Variants in APOB observed in about 807,000 individuals in gnomAD.
APOB encodes the protein apolipoprotein B-100.
In APOB, 153 loss-of-function variants were observed where a neutral mutation model predicts 314.1. The observed-to-expected ratio is 0.49, with a 90% CI of 0.43 to 0.56. APOB has a LOEUF of 0.56. Ranked by LOEUF, APOB falls within the 20% of genes least tolerant of loss-of-function variation. The pLI, the probability that APOB is intolerant of heterozygous loss-of-function variation, is 0.00. For synonymous variants in APOB, 2,087 were observed against 2,036.4 expected (o/e 1.02, Z -0.67); for missense variants, 5,430 against 5,350.7 (o/e 1.01, Z -0.46).
In APOB at chr2:21,005,956, G is replaced by A. The variant is rs61744151; in HGVS notation, c.10912C>T (p.Arg3638Trp). ...NQKIRWKNEV[R>W]IHSGSFQSQV... is the part of the protein sequence containing the mutation. ...CTCTGGAAAGACCCAGAATGAATCC[G>A]GACTTCATTTTTCCATCTGATCTTC... The change falls in exon 26 of 29, where the codon CGG (arginine) becomes TGG (tryptophan). Residue 3638 changes from arginine to tryptophan, a missense_variant. This residue lies in a region of APOB where 3,281 missense variants were observed against 3,171.0 expected (regional missense o/e 1.03). Transcript: ENST00000233242. The A allele has an allele frequency of 2.0e-5, 33 of 1,613,838 alleles. 1 individual carries two copies. The Admixed American group carries it at 3.7e-4, about 18-fold the overall frequency.
Position 21,009,816 on chromosome 2 carries a change from T to C in APOB, c.7052A>G (p.Asp2351Gly). 6.2e-7 allele frequency: 1 copy of C among 1,614,084 alleles called. No individual in the cohort carries two copies. The highest frequency in any genetic ancestry group is 8.5e-7 in the Non-Finnish European group (1 of 1,179,982). ...ATCCATTAAAACCTGGATTTGTTGG[T>C]CTACTTCATACCTCTCGATTAACTC... Reference protein sequence around the residue: ...VHELIERYEVDQQIQVLMDKL... With the variant: ...VHELIERYEVGQQIQVLMDKL... The change falls in exon 26 of 29, where the codon GAC (aspartate) becomes GGC (glycine). Residue 2351 changes from aspartate (D) to glycine (G), a missense_variant. Coordinates refer to ENST00000233242, the MANE Select transcript of APOB (RefSeq NM_000384.3).
intron 9 of APOB, 46 bp from the exon 10 acceptor site, chr2:21,032,627 C>A: frequency 1.4e-6 from 2 of 1,459,176 alleles, no homozygotes; most frequent in Non-Finnish European, 1.9e-6. Flanking sequence ...ACCTTCAGGG[C>A]ACATAAAATA....
intron 10 of APOB, among the ~76,000 whole-genome samples, chr2:21,032,151 T>C (rs1663896815): frequency 6.6e-6 from 1 of 152,286 alleles, no homozygotes; most frequent in South Asian, 2.1e-4. Context: ...TAATATAATG[T>C]AGAGAAAATA....
In APOB at chr2:21,044,070, G is replaced by T; in HGVS notation, c.-125C>A. ...CACTCAGCCCCGCAGGTCCCGGTGG[G>T]AATGCGCGGCCGGCGCCCGCACCCC... On this transcript the variant is annotated 5_prime_UTR_variant, in exon 1 of 29. Coordinates refer to ENST00000233242, the MANE Select transcript of APOB (RefSeq NM_000384.3). The T allele has an allele frequency of 2.5e-6, 1 of 394,268 alleles. No homozygotes were observed. Among genetic ancestry groups the T allele is most frequent in the Non-Finnish European group, 4.2e-6 (1 of 239,682 alleles). The allele number at this position is 394,268 out of a possible 1,614,324, so 24.4% of individuals were successfully genotyped here.
chr2:21,008,513 G>C lies in APOB; in HGVS notation c.8355C>G (p.Asn2785Lys). Residue 2785 changes from asparagine to lysine, a missense_variant, in exon 26 of 29, where the codon AAC (asparagine) becomes AAG (lysine). Physicochemically the swap from Asn to Lys is moderately conservative, Grantham distance 94. Around this residue, in one of 3 missense-constraint regions of APOB, gnomAD observed 3,281 missense variants for 3,171.0 expected, o/e 1.03. Transcript: ENST00000233242. The stretch of plus-strand genomic sequence containing the variant: ...TGATGGAAGCTGCGATACCTGCTTC[G>C]TTTGCTGAGGTGGTTCCATTCCCTA... The part of the protein sequence containing the change: ...ADIGNGTTSA[N>K]EAGIAASITA... The C allele has an allele frequency of 1.9e-6, 3 of 1,614,024 alleles. No individual in the cohort carries two copies. Among genetic ancestry groups the C allele is most frequent in the Non-Finnish European group, 2.5e-6 (3 of 1,179,958 alleles).
Position 21,029,632 on chromosome 2 carries a change from A to T in APOB, c.1617+7T>A. ...TTCACTTTCAGACCTCTTCTTGTGGACTTTACCTTGTCTTTAGGCTCCATT... is the reference window on the plus strand; with the variant it reads ...TTCACTTTCAGACCTCTTCTTGTGGTCTTTACCTTGTCTTTAGGCTCCATT... On this transcript the variant is annotated splice_region_variant and intron_variant, in intron 12 of 28. Transcript: ENST00000233242. 1 of 1,614,096 alleles carries T rather than the reference A, an allele frequency of 6.2e-7. No individual in the cohort carries two copies. Among genetic ancestry groups the T allele is most frequent in the Non-Finnish European group, 8.5e-7 (1 of 1,180,006 alleles).
intron 14 of APOB, among the ~76,000 whole-genome samples, chr2:21,027,306 A>G (rs933607586): frequency 1.9e-5 from 2 of 105,884 alleles, no homozygotes; most frequent in East Asian, 3.1e-4. Flanking sequence ...TTGCATTTCA[A>G]TTTTTTTTTT....
In APOB at chr2:21,005,843, G is replaced by T; in HGVS notation, c.11025C>A (p.Ile3675=). 6.2e-7 allele frequency: 1 copy of T among 1,614,044 alleles called. No individual in the cohort carries two copies. The highest frequency in any genetic ancestry group is 8.5e-7 in the Non-Finnish European group (1 of 1,179,960). ...LEGHLRFLKN[I]ILPVYDKSLW... ...AGCTCTTGTCATAGACTGGTAGGAT[G>T]ATATTTTTGAGGAACCTTAGGTGTC... Residue 3675 remains isoleucine (I), a synonymous_variant, in exon 26 of 29, where the codon ATC becomes ATA. Coordinates refer to ENST00000233242, the MANE Select transcript of APOB (RefSeq NM_000384.3).
chr2:21,021,728 C>A (rs1190378117), intron 18 of APOB, among the ~76,000 whole-genome samples: 3 of 152,196 alleles, frequency 2.0e-5, no homozygotes, highest in Non-Finnish European at 2.9e-5. Flanking sequence ...TGACACAGTC[C>A]TCAGTTATCA....
In APOB at chr2:21,010,112, C is replaced by T; in HGVS notation, c.6756G>A (p.Val2252=). The T allele has an allele frequency of 6.2e-7, 1 of 1,612,480 alleles. No individual in the cohort carries two copies. Among genetic ancestry groups the T allele is most frequent in the East Asian group, 2.2e-5 (1 of 44,812 alleles). Residue 2252 remains valine, a synonymous_variant, in exon 26 of 29, where the codon GTG becomes GTA. Transcript: ENST00000233242. ...GGATTCTGATTTGGTACTTAGTATC[C>T]ACATTTTGAATCCAGGATGCAGTAC... The part of the protein sequence containing the change: ...GSSTASWIQN[V]DTKYQIRIQI...
At chr2:21,043,690 A>C (rs1320424559) in intron 1 of APOB, 139 bp from the exon 2 acceptor site, 3 of 1,497,656 alleles carry the variant, frequency 2.0e-6, no homozygotes, top group Non-Finnish European at 2.7e-6. Flanking sequence ...CAGCCCCTCC[A>C]TCCCGCGCCC....
chr2:21,012,636 G>A lies in APOB; in HGVS notation c.4232C>T (p.Thr1411Ile). 2 of 1,612,320 alleles carry A rather than the reference G, an allele frequency of 1.2e-6. No homozygotes were observed. The highest frequency in any genetic ancestry group is 8.5e-7 in the Non-Finnish European group (1 of 1,179,538). The change falls in exon 26 of 29, where the codon ACA (threonine) becomes ATA (isoleucine). Residue 1411 changes from threonine to isoleucine, a missense_variant. Physicochemically the swap from Thr to Ile is moderately conservative, Grantham distance 89. Around this residue, in one of 3 missense-constraint regions of APOB, gnomAD observed 2,085 missense variants for 2,079.7 expected, o/e 1.00. Transcript: ENST00000233242. ...SYNVQGSGET[T>I]YDHKNTFTLS... Reference sequence around the variant, plus strand: ...TGTGAACGTATTCTTGTGGTCATATGTTGTTTCTCCAGATCCTAACATAAA... The same window carrying A: ...TGTGAACGTATTCTTGTGGTCATATATTGTTTCTCCAGATCCTAACATAAA...
chr2:21,037,203 C>T lies in APOB; in HGVS notation c.590G>A (p.Gly197Asp), dbSNP rs1664023541. ...AGTGGATATTTCTGTTGCCACATTG[C>T]CCTTCCTCGTCTTGACGGTAAAGTG... ...STHFTVKTRKGNVATEISTER... is the reference protein window; with the variant it reads ...STHFTVKTRKDNVATEISTER... The change falls in exon 6 of 29, where the codon GGC becomes GAC. Residue 197 changes from glycine to aspartate, a missense_variant. By Grantham distance (94) the Gly-to-Asp change is moderately conservative. This residue lies in a region of APOB where 2,085 missense variants were observed against 2,079.7 expected (regional missense o/e 1.00). Transcript: ENST00000233242. The T allele has an allele frequency of 2.5e-6, 4 of 1,614,176 alleles. No individual in the cohort carries two copies. The East Asian group carries it at 8.9e-5, about 36-fold the overall frequency.
At chr2:21,016,866 CCCAGCTA>C in intron 20 of APOB, among the ~76,000 whole-genome samples, 1 of 151,990 alleles carries the variant, frequency 6.6e-6, no homozygotes, top group East Asian at 1.9e-4. Context: ...TGCCTGTAGT[CCCAGCTA>C]CTCAGGAGGC....
chr2:21,036,659 G>C (rs994604845), intron 6 of APOB, among the ~76,000 whole-genome samples: 14 of 152,188 alleles, frequency 9.2e-5, no homozygotes, highest in African/African-American at 3.1e-4. Flanking sequence ...CATGGGATGA[G>C]GGAGAGGGGG....
chr2:21,008,608 T>C lies in APOB; in HGVS notation c.8260A>G (p.Thr2754Ala), dbSNP rs1036884752. The change falls in exon 26 of 29, where the codon ACT becomes GCT. Residue 2754 changes from threonine (T) to alanine (A), a missense_variant. Thr to Ala is a moderately conservative substitution (Grantham distance 58). Coordinates refer to ENST00000233242, the MANE Select transcript of APOB (RefSeq NM_000384.3). ...AGAATACTGTATAGCTTGCCAAAAGTAGGTACTTCAATTGTGTGTGAGATG... is the reference window on the plus strand; with the variant it reads ...AGAATACTGTATAGCTTGCCAAAAGCAGGTACTTCAATTGTGTGTGAGATG... ...PHISHTIEVP[T>A]FGKLYSILKI... The C allele has an allele frequency of 5.0e-6, 8 of 1,613,960 alleles. No individual in the cohort carries two copies. The African/African-American group carries it at 9.3e-5, about 19-fold the overall frequency.
intron 27 of APOB, 40 bp downstream of exon 27, chr2:21,004,521 T>C (rs770727556): frequency 6.2e-7 from 1 of 1,612,754 alleles, no homozygotes; most frequent in South Asian, 1.1e-5. Flanking sequence ...CAATGAGTTT[T>C]CAAAAGGTAT....
In APOB at chr2:21,002,041, T is replaced by C. The variant is rs1306536670; in HGVS notation, c.13381A>G (p.Lys4461Glu). ...AGCTCTGCAATCTTCTCTTTCCCTT[T>C]TCCATCTGGATCGGTAAGGATGCTA... ...YLSILTDPDG[K>E]GKEKIAELSA... The change falls in exon 29 of 29, where the codon AAA becomes GAA. Residue 4461 changes from lysine (K) to glutamate (E), a missense_variant. This residue lies in a region of APOB where 3,281 missense variants were observed against 3,171.0 expected (regional missense o/e 1.03). Transcript: ENST00000233242. 8 of 1,613,914 alleles carry C rather than the reference T, an allele frequency of 5.0e-6. No homozygotes were observed. Among genetic ancestry groups the C allele is most frequent in the African/African-American group, 1.3e-5 (1 of 74,920 alleles).
chr2:21,025,040 G>A lies in APOB; in HGVS notation c.2329C>T (p.Leu777Phe). The change falls in exon 16 of 29, where the codon CTC becomes TTC. Residue 777 changes from leucine to phenylalanine, a missense_variant. Leu to Phe is a conservative substitution (Grantham distance 22). This residue lies in a region of APOB where 2,085 missense variants were observed against 2,079.7 expected (regional missense o/e 1.00). Transcript: ENST00000233242. ...SKEVPEARAY[L>F]RILGEELGFA... Reference sequence around the variant, plus strand: ...CCAAGCTCCTCTCCCAAGATGCGGAGGTAGGCTCTGGCTTCCGGGACTTCT... The same window carrying A: ...CCAAGCTCCTCTCCCAAGATGCGGAAGTAGGCTCTGGCTTCCGGGACTTCT... 6.2e-7 allele frequency: 1 copy of A among 1,614,240 alleles called. No individual in the cohort carries two copies. The highest frequency in any genetic ancestry group is 8.5e-7 in the Non-Finnish European group (1 of 1,180,038).
Sources: gnomAD v4.1 joint callset for allele counts (sites outside exome capture counted in the v4.1 genomes callset) on GRCh38, gnomAD v4.1.1 for gene constraint, gnomAD v4.1.1 regional missense constraint, MANE v1.5 for transcripts, NCBI Gene and HGNC (gene_info 2026-07-23, HGNC 2026-07-21) for gene names.